SLC3A1: variants seen among roughly 807,000 people sequenced by gnomAD.
SLC3A1 encodes solute carrier family 3 member 1.
Under a neutral mutation model 60.3 loss-of-function variants are expected in SLC3A1, and 78 were observed. The ratio of observed to expected loss-of-function variants is 1.29; its 90% CI spans 1.08 to 1.56. The LOEUF is 1.56. SLC3A1 is among the 40% of genes most tolerant of loss of function. The pLI is 0.00. For synonymous variants in SLC3A1, 392 were observed against 307.9 expected (o/e 1.27, Z -2.86); for missense variants, 1,172 against 858.9 (o/e 1.36, Z -4.56).
chr2:44,280,437 T>G (rs758549884), intron 1 of SLC3A1, among the ~76,000 whole-genome samples: 11 of 151,918 alleles, frequency 7.2e-5, no homozygotes, highest in Non-Finnish European at 1.5e-5. Flanking sequence ...CGGGGTTTTG[T>G]CATGTTGGCC....
In SLC3A1 at chr2:44,292,175, T is replaced by TAC. The variant is rs1234118733; in HGVS notation, c.891+6021_891+6022dup. On this transcript the variant is annotated intron_variant, in intron 4 of 9. Transcript: ENST00000260649. ...TCGTATCTGGGGTTTGGAGTGATCC[T>TAC]ACACCTGCCATATGGGAATGCTGAG... 2.0e-5 allele frequency among the ~76,000 whole-genome samples: 3 copies of TAC among 152,172 alleles called. No individual in the cohort carries two copies. The East Asian group carries it at 5.8e-4, about 30-fold the overall frequency.
chr2:44,322,382 A>T (rs1673062370), downstream of SLC3A1, among the ~76,000 whole-genome samples: 1 of 152,216 alleles, frequency 6.6e-6, no homozygotes, highest in Non-Finnish European at 1.5e-5. Context: ...AAAATCTCAG[A>T]ATCTGTCTTT....
At chr2:44,314,058 T>TA (rs761156602) in intron 9 of SLC3A1, 107 bp downstream of exon 9, 2 of 1,569,452 alleles carry the variant, frequency 1.3e-6, no homozygotes, top group South Asian at 2.3e-5. Context: ...GGATACTCTT[T>TA]AAATCAATCA....
At position 44,275,876 on chromosome 2, in the gene SLC3A1, G is replaced by T; in HGVS notation, c.341G>T (p.Cys114Phe). 1.2e-6 allele frequency: 2 copies of T among 1,614,240 alleles called. No homozygotes were observed. The highest frequency in any genetic ancestry group is 1.7e-6 in the Non-Finnish European group (2 of 1,180,054). ...TIAIIALSPK[C>F]LDWWQEGPMY... ...GCCATCATTGCCCTCTCTCCAAAGT[G>T]CCTAGACTGGTGGCAGGAGGGGCCC... is the stretch of plus-strand genomic sequence containing the variant. Residue 114 changes from cysteine (C) to phenylalanine (F), a missense_variant, in exon 1 of 10, where the codon TGC (cysteine) becomes TTC (phenylalanine). Coordinates refer to ENST00000260649, the MANE Select transcript of SLC3A1 (RefSeq NM_000341.4).
intron 7 of SLC3A1, among the ~76,000 whole-genome samples, chr2:44,305,395 C>T (rs1483924844): frequency 6.7e-6 from 1 of 150,202 alleles, no homozygotes; most frequent in Non-Finnish European, 1.5e-5. Context: ...AAGTTTCTTT[C>T]TCTCATATAA....
At chr2:44,310,794 C>CT (rs1244466114) in intron 7 of SLC3A1, among the ~76,000 whole-genome samples, 1 of 150,934 alleles carries the variant, frequency 6.6e-6, no homozygotes, top group South Asian at 2.1e-4. Context: ...CCACAGGTCT[C>CT]TGAGAGTCTG....
chr2:44,320,592 C>T lies in SLC3A1; in HGVS notation c.2011C>T (p.Arg671Ter), dbSNP rs1361526419. The change falls in exon 10 of 10, where the codon CGA (arginine) becomes TGA (stop). Residue 671 changes from arginine (R) to a stop codon, truncating the protein, a stop_gained. Coordinates refer to ENST00000260649, the MANE Select transcript of SLC3A1 (RefSeq NM_000341.4). LOFTEE classifies it high-confidence loss of function. The part of the protein sequence containing the change: ...AFRDRCFVSN[R>*]ACYSSVLNIL... ...CAGAGATAGATGCTTTGTTTCCAAT[C>T]GAGCATGCTATTCCAGTGTACTGAA... 10 of 1,613,862 alleles carry T rather than the reference C, an allele frequency of 6.2e-6. No individual in the cohort carries two copies. The highest frequency in any genetic ancestry group is 2.7e-5 in the African/African-American group (2 of 74,894).
At chr2:44,291,219 T>C (rs765538158) in intron 4 of SLC3A1, among the ~76,000 whole-genome samples, 1 of 152,180 alleles carries the variant, frequency 6.6e-6, no homozygotes, top group Admixed American at 6.5e-5. Context: ...TTTTCAGTTA[T>C]AAATTGATAA....
chr2:44,299,691 C>G (rs914460339), intron 4 of SLC3A1, among the ~76,000 whole-genome samples: 1 of 152,148 alleles, frequency 6.6e-6, no homozygotes, highest in African/African-American at 2.4e-5. Context: ...AGTAGACTCT[C>G]TAAACTTTGA....
chr2:44,315,911 C>G (rs1672428251), intron 9 of SLC3A1, among the ~76,000 whole-genome samples: 1 of 152,184 alleles, frequency 6.6e-6, no homozygotes, highest in South Asian at 2.1e-4. Flanking sequence ...AACTCTAGCA[C>G]TGTCCCCTGG....
intron 6 of SLC3A1, 91 bp from the exon 7 acceptor site, chr2:44,304,052 A>C: frequency 1.0e-6 from 1 of 955,510 alleles, no homozygotes; most frequent in East Asian, 2.4e-5. Context: ...TTCAGCCCCT[A>C]CATCTTGTAC....
At chr2:44,317,780 AAAC>A (rs1367181526) in intron 9 of SLC3A1, 1 of 153,664 alleles carries the variant, frequency 6.5e-6, no homozygotes, top group Admixed American at 6.5e-5. Flanking sequence ...AAAAAACCCT[AAAC>A]AATAGTATAA....
intron 7 of SLC3A1, among the ~76,000 whole-genome samples, chr2:44,307,382 G>T (rs1221854980): frequency 5.3e-5 from 8 of 152,124 alleles, no homozygotes; most frequent in African/African-American, 1.4e-4. Context: ...TGGGCATATG[G>T]TAAGTCTACA....
intron 4 of SLC3A1, among the ~76,000 whole-genome samples, chr2:44,298,366 C>G (rs1337718618): frequency 1.3e-5 from 2 of 150,674 alleles, no homozygotes; most frequent in South Asian, 2.1e-4. Context: ...CTGGCCACCC[C>G]CCTATCCCTG....
intron 4 of SLC3A1, among the ~76,000 whole-genome samples, chr2:44,292,401 C>T (rs1484551784): frequency 1.3e-5 from 2 of 152,118 alleles, no homozygotes. Context: ...TCCTCTATGC[C>T]AGGCACTTTA....
chr2:44,300,000 T>C lies in SLC3A1; in HGVS notation c.921T>C (p.Gly307=), dbSNP rs1424707762. 1 of 1,613,988 alleles carries C rather than the reference T, an allele frequency of 6.2e-7. No homozygotes were observed. The highest frequency in any genetic ancestry group is 8.5e-7 in the Non-Finnish European group (1 of 1,179,908). The part of the protein sequence containing the change: ...KEILRFWLTK[G]VDGFSLDAVK... ...TTTTACGGTTCTGGCTCACAAAGGG[T>C]GTTGATGGTTTTAGTTTGGATGCTG... The change falls in exon 5 of 10, where the codon GGT becomes GGC. Residue 307 remains glycine (G), a synonymous_variant. Coordinates refer to ENST00000260649, the MANE Select transcript of SLC3A1 (RefSeq NM_000341.4).
chr2:44,289,030 T>A (rs931500212), intron 4 of SLC3A1, among the ~76,000 whole-genome samples: 4 of 151,918 alleles, frequency 2.6e-5, no homozygotes, highest in Non-Finnish European at 5.9e-5. Flanking sequence ...AGATGGGGTT[T>A]CTCCATGTTG....
At chr2:44,313,113 C>T (rs1038062496) in intron 8 of SLC3A1, among the ~76,000 whole-genome samples, 1 of 152,112 alleles carries the variant, frequency 6.6e-6, no homozygotes, top group Non-Finnish European at 1.5e-5. Flanking sequence ...TCATTTCCCT[C>T]TACTTGAAAT....
intron 7 of SLC3A1, among the ~76,000 whole-genome samples, chr2:44,309,110 A>G (rs2340809): frequency 0.54 from 82,618 of 152,040 alleles, 24,483 homozygotes; most frequent in Non-Finnish European, 0.67. Context: ...GTGTAATTCA[A>G]TGCATTAAAT....
Sources: allele counts gnomAD v4.1 joint callset (sites outside exome capture counted in the v4.1 genomes callset), GRCh38; gene constraint gnomAD v4.1.1; transcripts MANE v1.5; gene names NCBI Gene and HGNC (gene_info 2026-07-23, HGNC 2026-07-21).